Variants in OSBPL5 observed in about 807,000 individuals in gnomAD.
OSBPL5 encodes oxysterol-binding protein-related protein 5.
Under a neutral mutation model 111.2 loss-of-function variants are expected in OSBPL5, and 71 were observed. The observed-to-expected ratio is 0.64, with a 90% CI of 0.53 to 0.78. The LOEUF (loss-of-function observed/expected upper bound fraction) is 0.78, where lower values mean the gene tolerates loss of function less well. OSBPL5 is among the 30% of genes least tolerant of loss of function. OSBPL5 has a pLI of 0.00. For synonymous variants in OSBPL5, 549 were observed against 513.9 expected, an observed-to-expected ratio of 1.07 and a Z score of -0.93; for missense variants, 1,210 against 1,189.3, an observed-to-expected ratio of 1.02 and a Z score of -0.26.
intron 1 of OSBPL5, among the ~76,000 whole-genome samples, chr11:3,159,603 G>A (rs935661913): frequency 3.3e-5 from 5 of 152,244 alleles, no homozygotes; most frequent in African/African-American, 1.2e-4. Context: ...AGGGCAGCCT[G>A]GGACCAATGC....
chr11:3,090,967 C>T (rs729810), intron 19 of OSBPL5, among the ~76,000 whole-genome samples: 17,106 of 152,300 alleles, frequency 0.11, 1,053 homozygotes, highest in Non-Finnish European at 0.14. Context: ...GGTGCAGACA[C>T]GCCTGCCCTG....
chr11:3,127,114 C>T (rs1303184749), intron 2 of OSBPL5, among the ~76,000 whole-genome samples: 1 of 152,188 alleles, frequency 6.6e-6, no homozygotes, highest in African/African-American at 2.4e-5. Flanking sequence ...CTCCCCTCCC[C>T]CGGCTCTGTT....
intron 14 of OSBPL5, among the ~76,000 whole-genome samples, chr11:3,096,796 T>C (rs1417654280): frequency 6.6e-6 from 1 of 151,952 alleles, no homozygotes; most frequent in African/African-American, 2.4e-5. Flanking sequence ...GGGTGTACTG[T>C]ACTTTGATAT....
intron 14 of OSBPL5, among the ~76,000 whole-genome samples, chr11:3,096,026 C>T (rs1857240954): frequency 6.6e-6 from 1 of 152,042 alleles, no homozygotes; most frequent in Non-Finnish European, 1.5e-5. Context: ...AGGAAATCCC[C>T]AGGGCAGAGG....
intron 1 of OSBPL5, chr11:3,160,852 C>T (rs1675991733): frequency 6.6e-6 from 1 of 152,222 alleles, no homozygotes; most frequent in Non-Finnish European, 1.5e-5. Flanking sequence ...GACAGAGCTC[C>T]CTCTGTGCTG....
chr11:3,103,766 C>CCCCTTCCAGCCTCTGCAGT (rs1157970230), intron 10 of OSBPL5, among the ~76,000 whole-genome samples: 3 of 82,948 alleles, frequency 3.6e-5, no homozygotes, highest in East Asian at 8.3e-4. Flanking sequence ...GCTCTGCAGC[C>CCCCTTCCAGCCTCTGCAGT]CCCTTCCAGC....
intron 14 of OSBPL5, among the ~76,000 whole-genome samples, chr11:3,095,192 TGATGGGG>T (rs1857211556): frequency 6.6e-6 from 1 of 150,930 alleles, no homozygotes; most frequent in African/African-American, 2.4e-5. Context: ...TGTGCAGCTC[TGATGGGG>T]GGAGGTCTCC....
chr11:3,094,404 G>A (rs919211529), intron 14 of OSBPL5, 70 bp from the exon 15 acceptor site: 139 of 1,248,458 alleles, frequency 1.1e-4, no homozygotes, highest in Non-Finnish European at 1.5e-4. Flanking sequence ...GCTGAGTACC[G>A]ACCCAGCAGC....
chr11:3,108,810 C>T (rs1014141361), intron 7 of OSBPL5, among the ~76,000 whole-genome samples: 8 of 152,128 alleles, frequency 5.3e-5, no homozygotes, highest in African/African-American at 1.9e-4. Flanking sequence ...CTCTTGTTGC[C>T]CAGGTGGGAG....
chr11:3,126,365 G>A lies in OSBPL5; in HGVS notation c.219+108C>T. 4 of 1,003,776 alleles carry A rather than the reference G, an allele frequency of 4.0e-6. No individual in the cohort carries two copies. Among genetic ancestry groups the A allele is most frequent in the Non-Finnish European group, 4.2e-6 (3 of 712,850 alleles). The allele number at this position is 1,003,776 out of a possible 1,614,324, so 62.2% of individuals were successfully genotyped here. ...GGGAGCTGTTTCCCCCGAACAGGCT[G>A]GAATGGCAGGCTCAGCTGGACGCCC... On this transcript the variant is annotated intron_variant, in intron 3 of 21. Transcript: ENST00000263650. The surrounding 1 kb of genome is among the most constrained non-coding windows in gnomAD (Gnocchi z 6.5).
chr11:3,134,002 G>A (rs1456377430), intron 1 of OSBPL5, among the ~76,000 whole-genome samples: 6 of 151,954 alleles, frequency 3.9e-5, no homozygotes, highest in Non-Finnish European at 8.8e-5. Context: ...GTCACTAGAT[G>A]TATGTGGTCC....
intron 1 of OSBPL5, among the ~76,000 whole-genome samples, chr11:3,144,858 C>T (rs912212408): frequency 7.9e-5 from 12 of 152,224 alleles, no homozygotes; most frequent in African/African-American, 2.9e-4. Context: ...CCCCGGCACC[C>T]GGATCCTCCA....
At position 3,130,918 on chromosome 11, in the gene OSBPL5, A is replaced by G. The variant is rs1858802612; in HGVS notation, c.-21-1749T>C. ...GAGGCCGGGCTTACTCAGACAGCTG[A>G]GATTTTCTGAGCACCCAGGCTGGGC... On this transcript the variant is annotated intron_variant, in intron 1 of 21. Coordinates refer to ENST00000263650, the MANE Select transcript of OSBPL5 (RefSeq NM_020896.4). This position sits in a 1 kb window ranked among gnomAD's most constrained non-coding sequence, Gnocchi z 4.5. Among the ~76,000 whole-genome samples, 1 of 151,862 alleles carries G rather than the reference A, an allele frequency of 6.6e-6. No homozygotes were observed. The highest frequency in any genetic ancestry group is 2.4e-5 in the African/African-American group (1 of 41,286).
intron 17 of OSBPL5, 88 bp downstream of exon 17, chr11:3,093,439 T>A (rs767904648): frequency 1.4e-5 from 22 of 1,542,384 alleles, no homozygotes; most frequent in Admixed American, 3.7e-5. Flanking sequence ...CCTGGGGCCA[T>A]GCTCACAGCA....
Position 3,093,739 on chromosome 11 carries a change from C to T in OSBPL5, c.1809+7G>A. The T allele has an allele frequency of 6.2e-7, 1 of 1,612,990 alleles. No homozygotes were observed. Among genetic ancestry groups the T allele is most frequent in the African/African-American group, 1.3e-5 (1 of 75,072 alleles). On this transcript the variant is annotated splice_region_variant and intron_variant, in intron 16 of 21. Transcript: ENST00000263650. ...GGCCGTGCCTGCCCTGAGGGACGGC[C>T]CCTTACCCAGTGGCCACTGAGGCTC...
chr11:3,087,704 C>T lies in OSBPL5; in HGVS notation c.*501G>A, dbSNP rs950868946. 2.0e-5 allele frequency: 3 copies of T among 153,082 alleles called. No homozygotes were observed. The highest frequency in any genetic ancestry group is 7.2e-5 in the African/African-American group (3 of 41,474). 9.5% of individuals were successfully genotyped at this position (153,082 alleles called of 1,614,324 possible). On this transcript the variant is annotated 3_prime_UTR_variant, in exon 22 of 22. Coordinates refer to ENST00000263650, the MANE Select transcript of OSBPL5 (RefSeq NM_020896.4). ...GGCCCTAACCTGTCCCTGGCACCCA[C>T]CAGTGGCCCCACCAGGGTGGTCCCG...
At chr11:3,125,662 G>A (rs974475534) in intron 3 of OSBPL5, among the ~76,000 whole-genome samples, 9 of 152,326 alleles carry the variant, frequency 5.9e-5, no homozygotes, top group South Asian at 4.1e-4. Flanking sequence ...AAAATTGGCC[G>A]GGCGTGGTGG....
chr11:3,114,489 G>C (rs532776845), intron 7 of OSBPL5, among the ~76,000 whole-genome samples: 1 of 149,280 alleles, frequency 6.7e-6, no homozygotes. Context: ...CCTTTTATAT[G>C]ATCAAGTTGT....
chr11:3,122,290 T>C, intron 4 of OSBPL5, 58 bp downstream of exon 4: 1 of 1,562,818 alleles, frequency 6.4e-7, no homozygotes. Flanking sequence ...CCTCCCTGGC[T>C]CAGGTGGCCG....
Sources: gnomAD v4.1 joint callset for allele counts (sites outside exome capture counted in the v4.1 genomes callset) on GRCh38, gnomAD v4.1.1 for gene constraint, Gnocchi (gnomAD v3.1) non-coding constraint, MANE v1.5 for transcripts, NCBI Gene and HGNC (gene_info 2026-07-23, HGNC 2026-07-21) for gene names.